Variants in CLTRN observed in about 807,000 individuals in gnomAD.
CLTRN encodes collectrin.
In CLTRN, 12 loss-of-function variants were observed where a neutral mutation model predicts 14.5. The ratio of observed to expected loss-of-function variants is 0.83; its 90% confidence interval spans 0.53 to 1.34. CLTRN has a LOEUF of 1.34. Among genes scored for constraint, CLTRN ranks in the 40% most tolerant of loss-of-function variants. The pLI is 0.00. For missense variants in CLTRN, 154 were observed against 165.1 expected, an observed-to-expected ratio of 0.93 and a Z score of 0.37; for synonymous variants, 58 against 56.5, an observed-to-expected ratio of 1.03 and a Z score of -0.12.
chrX:15,673,147 AATT>A (rs1929748726), intron 1 of CLTRN, among the ~76,000 whole-genome samples: 1 of 112,664 alleles, frequency 8.9e-6, no homozygotes. Flanking sequence ...TGGGGCTAAA[AATT>A]ATTTTTAAAA....
intron 5 of CLTRN, among the ~76,000 whole-genome samples, chrX:15,632,301 G>A (rs987498224): frequency 2.7e-5 from 3 of 112,562 alleles, no homozygotes; most frequent in African/African-American, 6.5e-5. Context: ...CTGACTGCCG[G>A]GCGTGGTGGC....
At chrX:15,646,186 C>T (rs939493613) in intron 3 of CLTRN, 3 of 175,796 alleles carry the variant, frequency 1.7e-5, no homozygotes, top group African/African-American at 3.0e-5. Context: ...TGCAGCTGCG[C>T]GCCGCAAAGC....
At chrX:15,645,930 C>T (rs750553768) in intron 3 of CLTRN, among the ~76,000 whole-genome samples, 1 of 113,124 alleles carries the variant, frequency 8.8e-6, no homozygotes, top group South Asian at 3.6e-4. Flanking sequence ...TTGTTTAGAG[C>T]ATCCAAGTGT....
chrX:15,655,787 T>C (rs191839774), intron 3 of CLTRN, among the ~76,000 whole-genome samples: 1 of 112,097 alleles, frequency 8.9e-6, no homozygotes, highest in Admixed American at 9.5e-5. Flanking sequence ...GACGGAGTCC[T>C]GAGAATGTCT....
chrX:15,650,315 G>A (rs1285170497), intron 3 of CLTRN, among the ~76,000 whole-genome samples: 2 of 109,576 alleles, frequency 1.8e-5, no homozygotes, highest in East Asian at 5.7e-4. Context: ...AAGTTGCCTG[G>A]GCACAGTAAA....
At chrX:15,628,700 G>T (rs1362463337) in intron 5 of CLTRN, among the ~76,000 whole-genome samples, 4 of 111,859 alleles carry the variant, frequency 3.6e-5, no homozygotes, top group Non-Finnish European at 7.5e-5. Flanking sequence ...TTGCTGCTTG[G>T]CTCTACTCAT....
In CLTRN at chrX:15,673,544, A is replaced by C. The variant is rs779471318; in HGVS notation, c.-506+1445T>G. ...GGTGTGTTTAATTTTTCATGCAAAAAATGATTAGCATTGGCAACATTTTAT... is the reference window on the plus strand; with the variant it reads ...GGTGTGTTTAATTTTTCATGCAAAACATGATTAGCATTGGCAACATTTTAT... On this transcript the variant is annotated intron_variant, in intron 1 of 6. Transcript: ENST00000650271. Among the ~76,000 whole-genome samples, 28 of 112,564 alleles carry C rather than the reference A, an allele frequency of 2.5e-4. 1 individual carries two copies. The South Asian group carries it at 9.8e-3, about 39-fold the overall frequency.
At chrX:15,655,446 G>A (rs771320085) in intron 3 of CLTRN, among the ~76,000 whole-genome samples, 1 of 111,659 alleles carries the variant, frequency 9.0e-6, no homozygotes, top group Non-Finnish European at 1.9e-5. Context: ...CCTCCACCTC[G>A]CCTCGGCTCT....
chrX:15,664,237 T>G (rs1044718596), intron 2 of CLTRN, 100 bp downstream of exon 2: 5 of 532,741 alleles, frequency 9.4e-6, no homozygotes, highest in Non-Finnish European at 1.5e-5. Flanking sequence ...AAATAATTTA[T>G]TCAAGATTAA....
chrX:15,649,297 G>A (rs1317460759), intron 3 of CLTRN, among the ~76,000 whole-genome samples: 1 of 112,045 alleles, frequency 8.9e-6, no homozygotes. Flanking sequence ...ATTTATTCAA[G>A]TTTCCAATGG....
At chrX:15,654,886 C>T (rs897434395) in intron 3 of CLTRN, among the ~76,000 whole-genome samples, 3 of 111,842 alleles carry the variant, frequency 2.7e-5, no homozygotes, top group South Asian at 3.7e-4. Flanking sequence ...TGTAGTTCCA[C>T]GGGCTGGCCT....
exon 1 of CLTRN, chrX:15,674,993 G>A (rs926616598): frequency 1.4e-4 from 16 of 113,227 alleles, no homozygotes; most frequent in African/African-American, 4.5e-4. Context: ...GCGGACCAGA[G>A]GGGTCTTGCC....
At chrX:15,634,113 A>G (rs1430494719) in intron 5 of CLTRN, among the ~76,000 whole-genome samples, 1 of 111,816 alleles carries the variant, frequency 8.9e-6, no homozygotes. Context: ...TAGTATATAC[A>G]TGTAAATCTG....
In CLTRN at chrX:15,627,819, T is replaced by C; in HGVS notation, c.*152A>G. On this transcript the variant is annotated 3_prime_UTR_variant, in exon 6 of 6. Transcript: ENST00000380342. ...ATTTCAGTGGTGTTGGTGGGTATAATTGATTGCTTTTCACTTTCAAGCACA... is the reference window on the plus strand; with the variant it reads ...ATTTCAGTGGTGTTGGTGGGTATAACTGATTGCTTTTCACTTTCAAGCACA... 5.5e-6 allele frequency: 2 copies of C among 360,552 alleles called. No individual in the cohort carries two copies. The highest frequency in any genetic ancestry group is 8.9e-6 in the Non-Finnish European group (2 of 224,539). The allele number at this position is 360,552 out of a possible 1,213,427, so 29.7% of individuals were successfully genotyped here. A position where few individuals can be genotyped will look rare whatever the true frequency, so the allele number is the denominator to read the frequency against.
chrX:15,644,792 T>G (rs1359387007), intron 4 of CLTRN, 124 bp downstream of exon 4: 1 of 460,883 alleles, frequency 2.2e-6, no homozygotes, highest in East Asian at 4.0e-5. Flanking sequence ...AAATGAAATC[T>G]TTGTCATTTT....
intron 3 of CLTRN, among the ~76,000 whole-genome samples, chrX:15,656,724 T>C (rs1929373495): frequency 9.0e-6 from 1 of 111,216 alleles, no homozygotes; most frequent in African/African-American, 3.3e-5. Flanking sequence ...CAGCTTCCAA[T>C]ATGGCAGTGC....
At chrX:15,629,339 G>A (rs932223232) in intron 5 of CLTRN, among the ~76,000 whole-genome samples, 25 of 110,847 alleles carry the variant, frequency 2.3e-4, no homozygotes, top group Admixed American at 2.1e-3. Context: ...AATGATGACC[G>A]AGATGGAATT....
Position 15,654,858 on chromosome X carries a change from T to C in CLTRN, c.203+4158A>G, listed in dbSNP as rs1929310234. Among the ~76,000 whole-genome samples, 3 of 112,126 alleles carry C rather than the reference T, an allele frequency of 2.7e-5. No individual in the cohort carries two copies. The South Asian group carries it at 1.1e-3, about 41-fold the overall frequency. On this transcript the variant is annotated intron_variant, in intron 3 of 5. Coordinates refer to ENST00000380342, the MANE Select transcript of CLTRN (RefSeq NM_020665.6). ...TTTCAGTAGAGGTCACTTAATCCTG[T>C]GGCTCCAGCCACAGCAGTGTAGTTC...
At position 15,639,838 on chromosome X, in the gene CLTRN, T is replaced by C. The variant is rs909532813; in HGVS notation, c.318-82A>G. ...GACAAAGTACAAACCTGTTTCTCCA[T>C]GATTATAAATATCTCTATAAACAAA... On this transcript the variant is annotated intron_variant, in intron 4 of 5. Transcript: ENST00000380342. 1.4e-5 allele frequency: 13 copies of C among 915,481 alleles called. No individual in the cohort carries two copies. In the Admixed American group the frequency reaches 4.0e-4, roughly 28 times the overall value. 75.4% of individuals were successfully genotyped at this position (915,481 alleles called of 1,213,427 possible).
Sources: gnomAD v4.1 joint callset for allele counts (sites outside exome capture counted in the v4.1 genomes callset) on GRCh38, gnomAD v4.1.1 for gene constraint, MANE v1.5 for transcripts, NCBI Gene and HGNC (gene_info 2026-07-23, HGNC 2026-07-21) for gene names.